MRTFB: variants seen among roughly 807,000 people sequenced by gnomAD.
MRTFB encodes the protein myocardin-related transcription factor B.
MRTFB carries 29 observed loss-of-function variants against 104.2 expected under a neutral mutation model. That is an observed-to-expected ratio of 0.28 (90% CI 0.21 to 0.38). The LOEUF is 0.38. Among genes scored for constraint, MRTFB ranks in the 10% least tolerant of loss-of-function variants. The pLI, the probability that MRTFB is intolerant of heterozygous loss-of-function variation, is 1.00. For synonymous variants in MRTFB, 535 were observed against 519.5 expected (o/e 1.03, Z -0.41); for missense variants, 1,270 against 1,341.6 (o/e 0.95, Z 0.83).
At chr16:13,996,589 T>G in the MRTFB span, among the ~76,000 whole-genome samples, 5 of 152,228 alleles carry the variant, frequency 3.3e-5, no homozygotes, top group Non-Finnish European at 5.9e-5. Flanking sequence ...CAAAAGAGAT[T>G]GCGCCTTGCC....
chr16:14,230,735 G>C (rs2042220215), intron 8 of MRTFB, among the ~76,000 whole-genome samples: 1 of 152,122 alleles, frequency 6.6e-6, no homozygotes, highest in South Asian at 2.1e-4. Context: ...TGATTCCTCA[G>C]GGATCTAGAA....
intron 2 of MRTFB, among the ~76,000 whole-genome samples, chr16:14,129,767 T>C (rs922223723): frequency 6.6e-6 from 1 of 152,230 alleles, no homozygotes; most frequent in African/African-American, 2.4e-5. Context: ...CCGTAATAAC[T>C]GATTATATTG....
At chr16:14,033,003 T>C in the MRTFB span, among the ~76,000 whole-genome samples, 1 of 149,976 alleles carries the variant, frequency 6.7e-6, no homozygotes, top group South Asian at 2.1e-4. Flanking sequence ...GAAAAAGGTT[T>C]GTTTCCCTTT....
the MRTFB span, among the ~76,000 whole-genome samples, chr16:14,042,477 A>G: frequency 6.6e-6 from 1 of 152,130 alleles, no homozygotes; most frequent in Admixed American, 6.6e-5. Flanking sequence ...TTAATTTTAT[A>G]CCTCCATGAG....
the MRTFB span, among the ~76,000 whole-genome samples, chr16:14,026,963 T>C: frequency 6.6e-6 from 1 of 152,134 alleles, no homozygotes; most frequent in African/African-American, 2.4e-5. Context: ...GAATGTAAAG[T>C]AGTACAGAAA....
chr16:14,058,191 A>C, the MRTFB span, among the ~76,000 whole-genome samples: 1 of 152,200 alleles, frequency 6.6e-6, no homozygotes, highest in Non-Finnish European at 1.5e-5. Flanking sequence ...CCACTGGGGC[A>C]CTGAACCATC....
Position 14,138,742 on chromosome 16 carries a change from G to T in MRTFB, c.-63-1802G>T, listed in dbSNP as rs944797442. ...CCCACTTTGCGGCTCGCTCATTTTT[G>T]GGAACTAAATAGAAAGTCAAGTAAT... On this transcript the variant is annotated intron_variant, in intron 2 of 16. Coordinates refer to ENST00000571589, the MANE Select transcript of MRTFB (RefSeq NM_001308142.2). Among the ~76,000 whole-genome samples, 5 of 152,034 alleles carry T rather than the reference G, an allele frequency of 3.3e-5. No individual in the cohort carries two copies. In the South Asian group the frequency reaches 1.0e-3, roughly 32 times the overall value.
intron 5 of MRTFB, 106 bp downstream of exon 5, chr16:14,212,515 A>C: frequency 1.0e-6 from 1 of 987,630 alleles, no homozygotes; most frequent in Non-Finnish European, 1.6e-6. Flanking sequence ...GTCAATAGAG[A>C]AAAAATAGTG....
the MRTFB span, among the ~76,000 whole-genome samples, chr16:14,005,929 T>G: frequency 8.5e-5 from 13 of 152,340 alleles, no homozygotes; most frequent in Non-Finnish European, 1.5e-4. Context: ...ATGTTACGGC[T>G]GGGTGTGGTG....
Position 14,265,902 on chromosome 16 carries a change from C to T in MRTFB, c.*4458C>T, listed in dbSNP as rs11641661. On this transcript the variant is annotated 3_prime_UTR_variant, in exon 17 of 17. Transcript: ENST00000571589. ...GTTTAACAGAGCTTTATGCCAACTA[C>T]TAAGACAAAGCTTTAACAAAGTTTA... 6.6e-6 allele frequency: 1 copy of T among 152,206 alleles called. No homozygotes were observed. Among genetic ancestry groups the T allele is most frequent in the Admixed American group, 6.5e-5 (1 of 15,272 alleles). The allele number at this position is 152,206 out of a possible 1,614,324, so 9.4% of individuals were successfully genotyped here. A position where few individuals can be genotyped will look rare whatever the true frequency, so the allele number is the denominator to read the frequency against.
chr16:14,161,623 C>G (rs527358520), intron 3 of MRTFB, among the ~76,000 whole-genome samples: 47 of 152,156 alleles, frequency 3.1e-4, no homozygotes, highest in Admixed American at 2.6e-4. Flanking sequence ...CTCTTGTGTA[C>G]CAAAAGACAT....
At position 14,218,836 on chromosome 16, in the gene MRTFB, C is replaced by T. The variant is rs763599709; in HGVS notation, c.531C>T (p.Asp177=). 13 of 1,602,410 alleles carry T rather than the reference C, an allele frequency of 8.1e-6. No homozygotes were observed. The Admixed American group carries it at 2.0e-4, about 25-fold the overall frequency. The change falls in exon 8 of 17, where the codon GAC becomes GAT. Residue 177 remains aspartate, a synonymous_variant. Coordinates refer to ENST00000571589, the MANE Select transcript of MRTFB (RefSeq NM_001308142.2). ...KEAIIGVGKE[D]YPHTQGDFSF... is the part of the protein sequence containing the mutation. ...TTTCTTTAGGCGTTGGGAAGGAGGA[C>T]TATCCCCACACTCAGGGCGATTTCT...
intron 2 of MRTFB, among the ~76,000 whole-genome samples, chr16:14,119,830 A>G (rs183902566): frequency 6.6e-6 from 1 of 152,300 alleles, no homozygotes; most frequent in African/African-American, 2.4e-5. Flanking sequence ...GCTTTAGGCT[A>G]AACTGAATTT....
intron 3 of MRTFB, among the ~76,000 whole-genome samples, chr16:14,198,310 G>T (rs2040529591): frequency 6.6e-6 from 1 of 152,194 alleles, no homozygotes; most frequent in African/African-American, 2.4e-5. Context: ...GTATTTGTTT[G>T]AGTACTTGTT....
At chr16:14,000,055 G>A in the MRTFB span, among the ~76,000 whole-genome samples, 3 of 152,306 alleles carry the variant, frequency 2.0e-5, no homozygotes, top group South Asian at 2.1e-4. Context: ...GAGGAGGAGA[G>A]GGTGCCTGTT....
intron 3 of MRTFB, among the ~76,000 whole-genome samples, chr16:14,146,152 C>A (rs1293305832): frequency 6.6e-6 from 1 of 152,092 alleles, no homozygotes; most frequent in Non-Finnish European, 1.5e-5. Flanking sequence ...GTCTTGAGTC[C>A]AGGTACTTTT....
the MRTFB span, among the ~76,000 whole-genome samples, chr16:14,038,903 A>G: frequency 6.6e-6 from 1 of 152,312 alleles, no homozygotes; most frequent in African/African-American, 2.4e-5. Context: ...CACATCTTAC[A>G]TGGCAGCAGG....
intron 2 of MRTFB, 71 bp from the exon 3 acceptor site, chr16:14,140,473 G>A (rs755284372): frequency 7.0e-5 from 79 of 1,136,426 alleles, no homozygotes; most frequent in South Asian, 4.1e-4. Context: ...CAGGATTCCC[G>A]TTTTAATACT....
chr16:14,197,970 C>T (rs1036994236), intron 3 of MRTFB, among the ~76,000 whole-genome samples: 2 of 152,038 alleles, frequency 1.3e-5, no homozygotes, highest in African/African-American at 2.4e-5. Context: ...ATAAAATTAA[C>T]GATTAAGCAG....
Sources: allele counts gnomAD v4.1 joint callset (sites outside exome capture counted in the v4.1 genomes callset), GRCh38; gene constraint gnomAD v4.1.1; transcripts MANE v1.5; gene names NCBI Gene and HGNC (gene_info 2026-07-23, HGNC 2026-07-21).